Variants in RNF19A observed in about 807,000 individuals in gnomAD.
RNF19A encodes the protein E3 ubiquitin-protein ligase RNF19A.
In RNF19A, 32 loss-of-function variants were observed where a neutral mutation model predicts 75.7. The observed-to-expected ratio is 0.42, with a 90% CI of 0.32 to 0.57. The LOEUF (loss-of-function observed/expected upper bound fraction) is 0.57. RNF19A is among the 20% of genes least tolerant of loss of function. RNF19A has a pLI of 0.10. For synonymous variants in RNF19A, 335 were observed against 345.2 expected, an observed-to-expected ratio of 0.97 and a Z score of 0.33; for missense variants, 782 against 1,036.3, an observed-to-expected ratio of 0.75 and a Z score of 3.37.
intron 2 of RNF19A, among the ~76,000 whole-genome samples, chr8:100,276,945 T>C (rs1313586980): frequency 2.0e-5 from 3 of 152,086 alleles, no homozygotes; most frequent in African/African-American, 7.2e-5. Flanking sequence ...GATATTGTTC[T>C]ATAACTTGTG....
At chr8:100,288,372 T>A in intron 1 of RNF19A, 105 bp from the exon 2 acceptor site, 1 of 741,346 alleles carries the variant, frequency 1.3e-6, no homozygotes, top group Non-Finnish European at 1.9e-6. Context: ...TAACCATTAG[T>A]AGTAGTTGTT....
At position 100,287,837 on chromosome 8, in the gene RNF19A, G is replaced by A; in HGVS notation, c.338C>T (p.Thr113Ile). The A allele has an allele frequency of 6.2e-7, 1 of 1,614,090 alleles. No homozygotes were observed. The highest frequency in any genetic ancestry group is 1.1e-5 in the South Asian group (1 of 91,074). ...TDKNSIFSTNTSSDNGLTSIS... is the reference protein window; with the variant it reads ...TDKNSIFSTNISSDNGLTSIS... ...GGAAGTTAATCCATTGTCAGAAGAG[G>A]TATTTGTAGAGAAAATGGAGTTCTT... Residue 113 changes from threonine to isoleucine, a missense_variant, in exon 2 of 10, where the codon ACC becomes ATC. Coordinates refer to ENST00000341084, the MANE Select transcript of RNF19A (RefSeq NM_183419.4). The surrounding 1 kb of genome is among the most constrained non-coding windows in gnomAD (Gnocchi z 4.1).
At position 100,258,605 on chromosome 8, in the gene RNF19A, T is replaced by C. The variant is rs749241840; in HGVS notation, c.2468A>G (p.His823Arg). 1.9e-5 allele frequency: 30 copies of C among 1,613,594 alleles called. No individual in the cohort carries two copies. The highest frequency in any genetic ancestry group is 2.4e-5 in the Non-Finnish European group (28 of 1,179,878). Residue 823 changes from histidine to arginine, a missense_variant, in exon 10 of 10, where the codon CAC (histidine) becomes CGC (arginine). Physicochemically the swap from His to Arg is conservative, Grantham distance 29 (BLOSUM62 0). This residue lies in a region of RNF19A where 442 missense variants were observed against 541.6 expected (regional missense o/e 0.82). Coordinates refer to ENST00000341084, the MANE Select transcript of RNF19A (RefSeq NM_183419.4). This position sits in a 1 kb window ranked among gnomAD's most constrained non-coding sequence, Gnocchi z 4.3. ...TTTTAATTCCATTGTCTGATGTGAG[T>C]GGTTGTTATTTGTTTCTTTTAGTGC... is the stretch of plus-strand genomic sequence containing the variant. ...GDALKETNNNHSHQTMELKVA... is the reference protein window; with the variant it reads ...GDALKETNNNRSHQTMELKVA...
chr8:100,280,766 A>G (rs1820746500), intron 2 of RNF19A, among the ~76,000 whole-genome samples: 1 of 152,222 alleles, frequency 6.6e-6, no homozygotes, highest in South Asian at 2.1e-4. Context: ...GTTCTGTAAT[A>G]TATCAAGGAA....
chr8:100,307,788 A>G (rs567590134), intron 1 of RNF19A, among the ~76,000 whole-genome samples: 24 of 152,296 alleles, frequency 1.6e-4, no homozygotes, highest in African/African-American at 5.5e-4. Context: ...TGGGAAGTGC[A>G]TTTACTTTCC....
In RNF19A at chr8:100,317,428, G is replaced by A. The variant is rs1341334777; in HGVS notation, c.-242-4056C>T. Among the ~76,000 whole-genome samples, 1 of 152,188 alleles carries A rather than the reference G, an allele frequency of 6.6e-6. No individual in the cohort carries two copies. The highest frequency in any genetic ancestry group is 2.4e-5 in the African/African-American group (1 of 41,438). On this transcript the variant is annotated intron_variant, in intron 1 of 3. Transcript: ENST00000519527. The surrounding 1 kb of genome is among the most constrained non-coding windows in gnomAD (Gnocchi z 4.3). ...TAGATCTCTCACTGGGCCCTTCAGA[G>A]AGTGCCAGGGGAAAGGAAATTGTTT... is the stretch of plus-strand genomic sequence containing the variant.
intron 1 of RNF19A, among the ~76,000 whole-genome samples, chr8:100,319,985 G>C (rs150890540): frequency 6.8e-6 from 1 of 147,334 alleles, no homozygotes; most frequent in Non-Finnish European, 1.5e-5. Context: ...ACAGGTGCCC[G>C]CCACCATGCC....
rs188999775 is a variant in RNF19A at position 100,270,919 on chromosome 8, G to A, written c.884-906C>T. ...AATTATACAACTACTTTGCATGTTG[G>A]CATCTGTTTAAATAGTAACTTGTAA... On this transcript the variant is annotated intron_variant, in intron 3 of 9. Coordinates refer to ENST00000341084, the MANE Select transcript of RNF19A (RefSeq NM_183419.4). 3.2e-3 allele frequency among the ~76,000 whole-genome samples: 483 copies of A among 152,156 alleles called. 2 individuals carry two copies. Among genetic ancestry groups the A allele is most frequent in the African/African-American group, 0.011 (449 of 41,534 alleles).
At position 100,330,152 on chromosome 8, in the gene RNF19A, C is replaced by T. The variant is rs1822592030; in HGVS notation, c.-243+5956G>A. The stretch of plus-strand genomic sequence containing the variant: ...CCAAACACCATCCCTTCCACTTCTT[C>T]CAGAGTTTGCTCCCACAATCTCCCC... On this transcript the variant is annotated intron_variant, in intron 1 of 3. Coordinates refer to the RNF19A transcript ENST00000519527. This position sits in a 1 kb window ranked among gnomAD's most constrained non-coding sequence, Gnocchi z 4.1. Among the ~76,000 whole-genome samples, 1 of 152,168 alleles carries T rather than the reference C, an allele frequency of 6.6e-6. No individual in the cohort carries two copies.
chr8:100,318,232 C>G (rs1822411680), intron 1 of RNF19A, among the ~76,000 whole-genome samples: 1 of 152,114 alleles, frequency 6.6e-6, no homozygotes, highest in Non-Finnish European at 1.5e-5. Flanking sequence ...TTCTGGAAAC[C>G]TAATTGTGGA....
At chr8:100,298,146 T>C (rs904774229) in intron 1 of RNF19A, among the ~76,000 whole-genome samples, 15 of 151,252 alleles carry the variant, frequency 9.9e-5, no homozygotes, top group Non-Finnish European at 2.1e-4. Context: ...CCTGTAAGTA[T>C]ACTCATCTGA....
At chr8:100,267,346 T>C (rs1247740201) in intron 5 of RNF19A, among the ~76,000 whole-genome samples, 2 of 152,118 alleles carry the variant, frequency 1.3e-5, no homozygotes, top group Non-Finnish European at 2.9e-5. Flanking sequence ...ATACAACACC[T>C]ATGACACAGT....
chr8:100,260,415 C>T lies in RNF19A; in HGVS notation c.1683-418G>A, dbSNP rs1230393943. Among the ~76,000 whole-genome samples, 1 of 152,014 alleles carries T rather than the reference C, an allele frequency of 6.6e-6. No individual in the cohort carries two copies. Among genetic ancestry groups the T allele is most frequent in the Non-Finnish European group, 1.5e-5 (1 of 67,992 alleles). On this transcript the variant is annotated intron_variant, in intron 8 of 9. Transcript: ENST00000341084. This position sits in a 1 kb window ranked among gnomAD's most constrained non-coding sequence, Gnocchi z 4.1. ...TTAAAAAATGACTCTATAAATAACACCTGCCTTTTAATACTTTATTTATTT... is the reference window on the plus strand; with the variant it reads ...TTAAAAAATGACTCTATAAATAACATCTGCCTTTTAATACTTTATTTATTT...
At chr8:100,301,857 A>G (rs1821844943) in intron 1 of RNF19A, among the ~76,000 whole-genome samples, 2 of 152,220 alleles carry the variant, frequency 1.3e-5, no homozygotes, top group Admixed American at 6.5e-5. Flanking sequence ...AAACAGGGTG[A>G]TCACAGTCTC....
chr8:100,302,284 G>C (rs1429060045), intron 1 of RNF19A, among the ~76,000 whole-genome samples: 1 of 152,236 alleles, frequency 6.6e-6, no homozygotes, highest in African/African-American at 2.4e-5. Flanking sequence ...CTATGAGAAA[G>C]ATGACGATGG....
At chr8:100,313,370 A>G (rs1334070764), upstream of RNF19A, 5 of 967,854 alleles carry the variant, frequency 5.2e-6, no homozygotes, top group Non-Finnish European at 6.1e-6. Context: ...TTTGAGCTGG[A>G]TTCTATAAGA....
chr8:100,279,344 C>T (rs116622816), intron 2 of RNF19A, among the ~76,000 whole-genome samples: 135 of 152,108 alleles, frequency 8.9e-4, no homozygotes, highest in Middle Eastern at 6.8e-3. Flanking sequence ...CCACGTCAAA[C>T]ATTTAATATT....
intron 1 of RNF19A, among the ~76,000 whole-genome samples, chr8:100,334,367 C>T (rs116558160): frequency 1.2e-4 from 19 of 152,278 alleles, no homozygotes; most frequent in Admixed American, 3.3e-4. Context: ...GGGTAAGGCT[C>T]GATAAACTGC....
rs767679659 is a variant in RNF19A, at chr8:100,287,871, A to T, written c.304T>A (p.Cys102Ser). 1 of 1,614,180 alleles carries T rather than the reference A, an allele frequency of 6.2e-7. No homozygotes were observed. The highest frequency in any genetic ancestry group is 1.7e-5 in the Admixed American group (1 of 60,016). The change falls in exon 2 of 10, where the codon TGT (cysteine) becomes AGT (serine). Residue 102 changes from cysteine (C) to serine (S), a missense_variant. Coordinates refer to ENST00000341084, the MANE Select transcript of RNF19A (RefSeq NM_183419.4). The surrounding 1 kb of genome is among the most constrained non-coding windows in gnomAD (Gnocchi z 4.1). ...GAGAAAATGGAGTTCTTATCAGTAC[A>T]CATTTCAGAATGTATACTTTCAATA... ...ASIESIHSEM[C>S]TDKNSIFSTN... is the part of the protein sequence containing the mutation.
Sources: allele counts gnomAD v4.1 joint callset (sites outside exome capture counted in the v4.1 genomes callset), GRCh38; gene constraint gnomAD v4.1.1; regional missense constraint gnomAD v4.1.1; non-coding constraint Gnocchi (gnomAD v3.1); transcripts MANE v1.5; gene names NCBI Gene and HGNC (gene_info 2026-07-23, HGNC 2026-07-21).